Variants in LTF observed in about 807,000 individuals in gnomAD.
The protein encoded by LTF is lactotransferrin, also known as epididymis luminal protein 110.
Under a neutral mutation model 87.2 loss-of-function variants are expected in LTF, and 91 were observed. That is an observed-to-expected ratio of 1.04 (90% CI 0.88 to 1.24). The LOEUF (loss-of-function observed/expected upper bound fraction) is 1.24. LTF is among the 50% of genes most tolerant of loss of function. The probability of loss-of-function intolerance (pLI) is 0.00; values close to 1 mark genes in which losing one functional copy is unlikely to be tolerated. For synonymous variants in LTF, 378 were observed against 356.1 expected (o/e 1.06, Z -0.69); for missense variants, 901 against 904.3 (o/e 1.00, Z 0.05).
At chr3:46,437,863 T>A in intron 16 of LTF, 77 bp downstream of exon 16, 1 of 1,127,862 alleles carries the variant, frequency 8.9e-7, no homozygotes, top group Non-Finnish European at 1.3e-6. Flanking sequence ...TGTTCGTTCC[T>A]AGAATGCTGT....
upstream of LTF, among the ~76,000 whole-genome samples, chr3:46,467,413 G>A (rs139916794): frequency 2.0e-5 from 3 of 152,082 alleles, no homozygotes; most frequent in East Asian, 5.8e-4. Flanking sequence ...GCCCAGAGGA[G>A]GAATGACCAG....
chr3:46,445,852 G>A (rs1284071141), intron 11 of LTF, among the ~76,000 whole-genome samples: 1 of 152,256 alleles, frequency 6.6e-6, no homozygotes, highest in Non-Finnish European at 1.5e-5. Flanking sequence ...GCTAACGGCT[G>A]TGTGGGTACA....
intron 1 of LTF, among the ~76,000 whole-genome samples, chr3:46,474,743 A>G (rs1703338133): frequency 6.6e-6 from 1 of 152,242 alleles, no homozygotes. Context: ...TTGAAATCAT[A>G]AAAATTTATT....
chr3:46,443,672 T>C (rs1702577947), intron 12 of LTF, 90 bp from the exon 13 acceptor site: 7 of 1,232,658 alleles, frequency 5.7e-6, no homozygotes, highest in Non-Finnish European at 8.2e-6. Flanking sequence ...GTGGTTTCAG[T>C]TCATTAGACT....
At chr3:46,455,540 C>T (rs764573058) in intron 4 of LTF, 98 bp from the exon 5 acceptor site, 83 of 1,433,516 alleles carry the variant, frequency 5.8e-5, no homozygotes, top group Middle Eastern at 5.4e-4. Context: ...AAGGCCCCTT[C>T]CTCCACCCCT....
chr3:46,479,123 CAGA>C (rs1271950353), intron 1 of LTF, among the ~76,000 whole-genome samples: 1 of 152,230 alleles, frequency 6.6e-6, no homozygotes, highest in Non-Finnish European at 1.5e-5. Flanking sequence ...ACCACGGTAA[CAGA>C]AGAAGCATGG....
At chr3:46,482,617 A>AAAGAAAGAAAG (rs1703454464) in intron 1 of LTF, among the ~76,000 whole-genome samples, 5 of 41,718 alleles carry the variant, frequency 1.2e-4, no homozygotes, top group Admixed American at 2.7e-4. Context: ...AAGAAGAAAG[A>AAAGAAAGAAAG]AAGAAAGAAA....
At chr3:46,462,445 A>C (rs549937118) in intron 1 of LTF, among the ~76,000 whole-genome samples, 32 of 152,298 alleles carry the variant, frequency 2.1e-4, no homozygotes, top group African/African-American at 7.5e-4. Context: ...GGCTTGTGGA[A>C]GTTCCCATAG....
At position 46,437,954 on chromosome 3, in the gene LTF, T is replaced by A; in HGVS notation, c.2084A>T (p.Lys695Met). 1 of 1,614,034 alleles carries A rather than the reference T, an allele frequency of 6.2e-7. No individual in the cohort carries two copies. Among genetic ancestry groups the A allele is most frequent in the Middle Eastern group, 1.6e-4 (1 of 6,062 alleles). The change falls in exon 16 of 17, where the codon AAG becomes ATG. Residue 695 changes from lysine to methionine, a missense_variant. Coordinates refer to ENST00000231751, the MANE Select transcript of LTF (RefSeq NM_002343.6). ...GGTCTACTTACGGGAGGTTGAGCACTTTTTCAGATTAGTAATGCCTGCGAC... is the reference window on the plus strand; with the variant it reads ...GGTCTACTTACGGGAGGTTGAGCACATTTTCAGATTAGTAATGCCTGCGAC... ...QYVAGITNLKKCSTSPLLEAC... is the reference protein window; with the variant it reads ...QYVAGITNLKMCSTSPLLEAC...
intron 7 of LTF, 91 bp from the exon 8 acceptor site, chr3:46,450,119 A>G (rs1471561231): frequency 6.3e-6 from 7 of 1,110,362 alleles, no homozygotes; most frequent in Non-Finnish European, 7.7e-6. Context: ...GAGCTTTGGG[A>G]TCATTCTAAC....
rs1407782014 is a variant in LTF at position 46,482,699 on chromosome 3, G to A, written c.-320+2287C>T. 2.5e-3 allele frequency among the ~76,000 whole-genome samples: 267 copies of A among 107,970 alleles called. 9 individuals carry two copies. Among genetic ancestry groups the A allele is most frequent in the Non-Finnish European group, 3.6e-3 (195 of 53,934 alleles). The allele number at this position is 107,970 out of a possible 152,430, so 70.8% of individuals were successfully genotyped here. A position where few individuals can be genotyped will look rare whatever the true frequency, so the allele number is the denominator to read the frequency against. On this transcript the variant is annotated intron_variant, in intron 1 of 19. Transcript: ENST00000443496. The stretch of plus-strand genomic sequence containing the variant: ...AGGAAGGAAGGAAGGAAGGAAGGAA[G>A]GAAGGAAAGAAAGAAAGAGAAAGAA...
intron 1 of LTF, among the ~76,000 whole-genome samples, chr3:46,461,903 T>C (rs1324242346): frequency 6.6e-6 from 1 of 152,166 alleles, no homozygotes; most frequent in Non-Finnish European, 1.5e-5. Flanking sequence ...GGGTAGAATG[T>C]TCAGCCTCTG....
intron 2 of LTF, among the ~76,000 whole-genome samples, chr3:46,458,433 G>A (rs547493797): frequency 3.9e-5 from 6 of 152,342 alleles, no homozygotes; most frequent in South Asian, 4.1e-4. Flanking sequence ...CGCGTTCAGC[G>A]TGGTATGGCC....
intron 6 of LTF, among the ~76,000 whole-genome samples, chr3:46,451,037 T>C (rs541254909): frequency 2.0e-5 from 3 of 152,278 alleles, no homozygotes; most frequent in Non-Finnish European, 4.4e-5. Flanking sequence ...GGTTGCTCCC[T>C]TACTCACATC....
intron 2 of LTF, among the ~76,000 whole-genome samples, chr3:46,457,205 A>C (rs1213549037): frequency 6.6e-6 from 1 of 152,222 alleles, no homozygotes; most frequent in Admixed American, 6.5e-5. Context: ...CCTGGGATAC[A>C]TCATATTTTG....
intron 1 of LTF, among the ~76,000 whole-genome samples, chr3:46,461,545 G>C (rs1024775127): frequency 3.3e-5 from 5 of 152,204 alleles, no homozygotes; most frequent in African/African-American, 1.2e-4. Context: ...ACCACATGCT[G>C]TATGATTCCA....
intron 9 of LTF, 102 bp from the exon 10 acceptor site, chr3:46,447,500 T>C: frequency 1.2e-6 from 1 of 812,910 alleles, no homozygotes; most frequent in Non-Finnish European, 2.1e-6. Context: ...AGGTGACCAG[T>C]GAAACAGCAG....
upstream of LTF, chr3:46,465,191 T>G: frequency 2.4e-6 from 1 of 425,054 alleles, no homozygotes; most frequent in Non-Finnish European, 4.2e-6. Flanking sequence ...GTCCCAGCTC[T>G]GGTCTCAGTG....
rs1702722764 is a variant in LTF, at chr3:46,448,843, C to T, written c.1212+20G>A. On this transcript the variant is annotated intron_variant, in intron 9 of 16. Coordinates refer to ENST00000231751, the MANE Select transcript of LTF (RefSeq NM_002343.6). ...TCTTCCACCGGGCCCACCGCCCGCCCCTGTGATGGAGCTCCCTACCAGCAC... is the reference window on the plus strand; with the variant it reads ...TCTTCCACCGGGCCCACCGCCCGCCTCTGTGATGGAGCTCCCTACCAGCAC... 6.2e-7 allele frequency: 1 copy of T among 1,610,538 alleles called. No homozygotes were observed. The highest frequency in any genetic ancestry group is 8.5e-7 in the Non-Finnish European group (1 of 1,178,964).
Sources: gnomAD v4.1 joint callset for allele counts (sites outside exome capture counted in the v4.1 genomes callset) on GRCh38, gnomAD v4.1.1 for gene constraint, MANE v1.5 for transcripts, NCBI Gene and HGNC (gene_info 2026-07-23, HGNC 2026-07-21) for gene names.